The following DENND3 variants were observed in gnomAD, a reference collection of about 807,000 sequenced individuals.
DENND3 encodes DENN domain containing 3, also known as DENN domain-containing protein 3.
A neutral mutation model predicts 135.1 loss-of-function variants in DENND3; 88 were observed. The ratio of observed to expected loss-of-function variants is 0.65; its 90% CI spans 0.55 to 0.78. The LOEUF (loss-of-function observed/expected upper bound fraction) is 0.78. Among genes scored for constraint, DENND3 ranks in the 30% least tolerant of loss-of-function variants. The pLI, the probability that DENND3 is intolerant of heterozygous loss-of-function variation, is 0.00. For missense variants in DENND3, 1,392 were observed against 1,688.4 expected, an observed-to-expected ratio of 0.82 and a Z score of 3.08; for synonymous variants, 693 against 712.3, an observed-to-expected ratio of 0.97 and a Z score of 0.43.
chr8:141,151,703 A>G lies in DENND3; in HGVS notation c.940A>G (p.Met314Val). 1 of 1,613,816 alleles carries G rather than the reference A, an allele frequency of 6.2e-7. No homozygotes were observed. The highest frequency in any genetic ancestry group is 8.5e-7 in the Non-Finnish European group (1 of 1,179,984). ...ALLTLVTECF[M>V]AYLYPLQWQH... ...GCTGACGCTGGTCACTGAGTGCTTCATGGCCTACCTGTATCCGCTGCAGTG... is the reference window on the plus strand; with the variant it reads ...GCTGACGCTGGTCACTGAGTGCTTCGTGGCCTACCTGTATCCGCTGCAGTG... The change falls in exon 7 of 23, where the codon ATG (methionine) becomes GTG (valine). Residue 314 changes from methionine (M) to valine (V), a missense_variant. By Grantham distance (21) the Met-to-Val change is conservative. Transcript: ENST00000519811.
intron 5 of DENND3, among the ~76,000 whole-genome samples, chr8:141,149,596 C>T (rs983856423): frequency 2.0e-4 from 30 of 152,354 alleles, no homozygotes; most frequent in African/African-American, 6.5e-4. Flanking sequence ...AGGGCCAAGG[C>T]GGGAACCAGC....
chr8:141,142,340 A>G, intron 4 of DENND3: 1 of 456,070 alleles, frequency 2.2e-6, no homozygotes, highest in Non-Finnish European at 4.4e-6. Flanking sequence ...CTTTTGTGTC[A>G]TCATGCTGGA....
chr8:141,168,283 G>A lies in DENND3; in HGVS notation c.2033G>A (p.Arg678Lys). ...IRIFPTDLVK[R>K]TVESMSAPEW... is the part of the protein sequence containing the mutation. ...ATCTTTCCCACTGATTTGGTGAAGA[G>A]GACGGTGGAATCCATGTCTGCCCCT... Residue 678 changes from arginine (R) to lysine (K), a missense_variant, in exon 13 of 23, where the codon AGG (arginine) becomes AAG (lysine). Arg to Lys is a conservative substitution (Grantham distance 26, BLOSUM62 2). Transcript: ENST00000519811. The surrounding 1 kb of genome is among the most constrained non-coding windows in gnomAD (Gnocchi z 6.2). 1.2e-6 allele frequency: 2 copies of A among 1,614,082 alleles called. No individual in the cohort carries two copies. The highest frequency in any genetic ancestry group is 1.7e-6 in the Non-Finnish European group (2 of 1,180,014).
At chr8:141,157,355 C>T (rs1369134931) in intron 8 of DENND3, 1 of 985,248 alleles carries the variant, frequency 1.0e-6, no homozygotes, top group South Asian at 4.7e-5. Context: ...GCCAGGGCTC[C>T]CTCGGGGTTG....
intron 5 of DENND3, among the ~76,000 whole-genome samples, chr8:141,148,915 C>CT (rs747154335): frequency 0.065 from 9,342 of 143,858 alleles, 952 homozygotes; most frequent in African/African-American, 0.22. Context: ...ATGAATCTGC[C>CT]TTTTTTTTTT....
At chr8:141,142,431 C>T in intron 4 of DENND3, 1 of 456,894 alleles carries the variant, frequency 2.2e-6, no homozygotes, top group Non-Finnish European at 4.4e-6. Context: ...TCTGCCTTGA[C>T]CAGAGGGACG....
chr8:141,155,167 A>G (rs1436958196), intron 7 of DENND3, among the ~76,000 whole-genome samples: 1 of 152,138 alleles, frequency 6.6e-6, no homozygotes, highest in Non-Finnish European at 1.5e-5. Flanking sequence ...TGGGATGATG[A>G]AAACATTCTG....
At chr8:141,178,694 G>A (rs773656368) in intron 16 of DENND3, among the ~76,000 whole-genome samples, 2 of 152,236 alleles carry the variant, frequency 1.3e-5, no homozygotes, top group Admixed American at 6.5e-5. Context: ...GGCCCTGCAC[G>A]TCAGGATCCG....
rs1380585437 is a variant in DENND3, at chr8:141,138,250, A to G, written c.501+113A>G. On this transcript the variant is annotated intron_variant, in intron 3 of 22. Coordinates refer to ENST00000519811, the MANE Select transcript of DENND3 (RefSeq NM_001352890.3). This position sits in a 1 kb window ranked among gnomAD's most constrained non-coding sequence, Gnocchi z 4.8. Reference sequence around the variant, plus strand: ...ACCATTTTAAAGTGTGCAGTTCCGTAACATTAAGTACATTCACAGCATTGT... The same window carrying G: ...ACCATTTTAAAGTGTGCAGTTCCGTGACATTAAGTACATTCACAGCATTGT... The G allele has an allele frequency of 9.1e-7, 1 of 1,101,590 alleles. No homozygotes were observed. The highest frequency in any genetic ancestry group is 1.6e-5 in the African/African-American group (1 of 63,998). 68.2% of individuals were successfully genotyped at this position (1,101,590 alleles called of 1,614,324 possible).
At chr8:141,188,924 G>C (rs1031987474) in intron 18 of DENND3, 62 bp from the exon 19 acceptor site, 10 of 1,580,334 alleles carry the variant, frequency 6.3e-6, no homozygotes, top group Non-Finnish European at 8.6e-6. Context: ...TAAATGTATA[G>C]AATATGACTT....
Position 141,157,260 on chromosome 8 carries a change from CA to C in DENND3, c.1196+1291del, listed in dbSNP as rs1343200085. On this transcript the variant is annotated intron_variant, in intron 8 of 22. Coordinates refer to ENST00000519811, the MANE Select transcript of DENND3 (RefSeq NM_001352890.3). ...GCAAAGGCTTGGCAGGGACTTTGGT[CA>C]GGGGAGGGTGAGAGGAGGTGTAATT... is the stretch of plus-strand genomic sequence containing the variant. 5.1e-6 allele frequency: 5 copies of C among 978,676 alleles called. No individual in the cohort carries two copies. The East Asian group carries it at 5.7e-4, about 111-fold the overall frequency. 60.6% of individuals were successfully genotyped at this position (978,676 alleles called of 1,614,324 possible). A position where few individuals can be genotyped will look rare whatever the true frequency, so the allele number is the denominator to read the frequency against.
chr8:141,194,594 C>T lies in DENND3; in HGVS notation c.*361C>T, dbSNP rs1825157961. 3.6e-6 allele frequency: 1 copy of T among 279,122 alleles called. No individual in the cohort carries two copies. Among genetic ancestry groups the T allele is most frequent in the Non-Finnish European group, 7.0e-6 (1 of 143,248 alleles). 17.3% of individuals were successfully genotyped at this position (279,122 alleles called of 1,614,324 possible). A position where few individuals can be genotyped will look rare whatever the true frequency, so the allele number is the denominator to read the frequency against. On this transcript the variant is annotated 3_prime_UTR_variant, in exon 23 of 23. Coordinates refer to ENST00000519811, the MANE Select transcript of DENND3 (RefSeq NM_001352890.3). ...CAGCTTGGCCGAGTCACAGGTGACC[C>T]GTGGCCCTCACGTCTCTGGTTTTAC...
rs757719239 is a variant in DENND3 at position 141,151,829 on chromosome 8, G to T, written c.1066G>T (p.Val356Phe). The change falls in exon 7 of 23, where the codon GTC becomes TTC. Residue 356 changes from valine to phenylalanine, a missense_variant. Val to Phe is a conservative substitution (Grantham distance 50). Transcript: ENST00000519811. ...MGCHLDHFEE[V>F]SKEADGLVLI... Reference sequence around the variant, plus strand: ...CTGCCATCTCGACCACTTCGAAGAAGTCAGCAAGGTTAGGTAGCGAACCTT... The same window carrying T: ...CTGCCATCTCGACCACTTCGAAGAATTCAGCAAGGTTAGGTAGCGAACCTT... 1.2e-6 allele frequency: 2 copies of T among 1,614,018 alleles called. No individual in the cohort carries two copies. The highest frequency in any genetic ancestry group is 1.7e-6 in the Non-Finnish European group (2 of 1,180,050).
At chr8:141,134,364 G>C (rs1019748785) in intron 1 of DENND3, among the ~76,000 whole-genome samples, 1 of 149,922 alleles carries the variant, frequency 6.7e-6, no homozygotes, top group African/African-American at 2.5e-5. Flanking sequence ...GTGTGATCTC[G>C]GCTCACTGCA....
At chr8:141,180,977 G>C in intron 17 of DENND3, 123 bp downstream of exon 17, 1 of 745,190 alleles carries the variant, frequency 1.3e-6, no homozygotes, top group Non-Finnish European at 2.1e-6. Flanking sequence ...TGGGGACAAG[G>C]TGCCTGTTGC....
chr8:141,145,698 G>T (rs952701212), intron 5 of DENND3, among the ~76,000 whole-genome samples: 1 of 151,198 alleles, frequency 6.6e-6, no homozygotes, highest in Non-Finnish European at 1.5e-5. Flanking sequence ...TCAGTTCATA[G>T]CTCCCTATGC....
In DENND3 at chr8:141,144,195, A is replaced by T; in HGVS notation, c.671A>T (p.His224Leu). 6.2e-7 allele frequency: 1 copy of T among 1,614,000 alleles called. No individual in the cohort carries two copies. The highest frequency in any genetic ancestry group is 1.1e-5 in the South Asian group (1 of 91,022). The change falls in exon 5 of 23, where the codon CAT (histidine) becomes CTT (leucine). Residue 224 changes from histidine (H) to leucine (L), a missense_variant. Coordinates refer to ENST00000519811, the MANE Select transcript of DENND3 (RefSeq NM_001352890.3). This position sits in a 1 kb window ranked among gnomAD's most constrained non-coding sequence, Gnocchi z 4.4. ...KPCKDFEVDS[H>L]IKDFAAKLSL... Reference sequence around the variant, plus strand: ...TGTAAAGATTTTGAAGTGGACAGTCATATAAAAGATTTCGCTGCGAAGCTG... The same window carrying T: ...TGTAAAGATTTTGAAGTGGACAGTCTTATAAAAGATTTCGCTGCGAAGCTG...
intron 18 of DENND3, among the ~76,000 whole-genome samples, chr8:141,186,652 G>A (rs1446045102): frequency 6.6e-6 from 1 of 152,026 alleles, no homozygotes; most frequent in East Asian, 1.9e-4. Flanking sequence ...TTTAAAGCAA[G>A]TTTGAATTGT....
intron 16 of DENND3, among the ~76,000 whole-genome samples, chr8:141,179,766 G>A (rs1376258456): frequency 2.0e-5 from 3 of 152,214 alleles, no homozygotes; most frequent in African/African-American, 7.2e-5. Context: ...GGATGTCGAC[G>A]TGTGTCGGTT....
Sources: allele counts gnomAD v4.1 joint callset (sites outside exome capture counted in the v4.1 genomes callset), GRCh38; gene constraint gnomAD v4.1.1; non-coding constraint Gnocchi (gnomAD v3.1); transcripts MANE v1.5; gene names NCBI Gene and HGNC (gene_info 2026-07-23, HGNC 2026-07-21).